Variants in ZFR2 observed in about 807,000 individuals in gnomAD.
The protein encoded by ZFR2 is zinc finger RNA binding protein 2, also known as zinc finger RNA-binding protein 2.
In ZFR2, 104 loss-of-function variants were observed where a neutral mutation model predicts 105.7. That is an observed-to-expected ratio of 0.98 (90% CI 0.84 to 1.16). ZFR2 has a LOEUF of 1.16. Among genes scored for constraint, ZFR2 ranks in the 50% most tolerant of loss-of-function variants. The pLI is 0.00. For missense variants in ZFR2, 1,425 were observed against 1,355.5 expected (o/e 1.05, Z -0.80); for synonymous variants, 634 against 597.7 (o/e 1.06, Z -0.89).
chr19:3,806,987 G>T (rs913375715), intron 18 of ZFR2, among the ~76,000 whole-genome samples, 185 bp downstream of exon 18: 2 of 152,128 alleles, frequency 1.3e-5, no homozygotes, highest in Non-Finnish European at 2.9e-5. Context: ...CTGGCCCCAC[G>T]CCACCATGCC....
At chr19:3,847,587 A>T (rs1004779380) in intron 1 of ZFR2, among the ~76,000 whole-genome samples, 1 of 152,158 alleles carries the variant, frequency 6.6e-6, no homozygotes, top group Non-Finnish European at 1.5e-5. Context: ...ATATAGCATA[A>T]CTTCTGCCAC....
Position 3,813,980 on chromosome 19 carries a change from C to T in ZFR2, c.2104-22G>A, listed in dbSNP as rs771879113. On this transcript the variant is annotated intron_variant, in intron 13 of 18. Transcript: ENST00000262961. The surrounding 1 kb of genome is among the most constrained non-coding windows in gnomAD (Gnocchi z 4.4). ...CCATCTGGGAGGGGTAAATACAACACAAGGCCACCTTACTGCAGCCCAGAT... is the reference window on the plus strand; with the variant it reads ...CCATCTGGGAGGGGTAAATACAACATAAGGCCACCTTACTGCAGCCCAGAT... 1.9e-6 allele frequency: 3 copies of T among 1,613,082 alleles called. No homozygotes were observed. The highest frequency in any genetic ancestry group is 1.1e-5 in the South Asian group (1 of 90,986).
At chr19:3,818,056 G>T (rs1354940950) in intron 12 of ZFR2, among the ~76,000 whole-genome samples, 4 of 152,280 alleles carry the variant, frequency 2.6e-5, no homozygotes, top group Admixed American at 2.6e-4. Context: ...TTGGGAAGAT[G>T]AGACAGCTGT....
intron 1 of ZFR2, among the ~76,000 whole-genome samples, chr19:3,861,937 T>C (rs2038378999): frequency 1.3e-5 from 2 of 151,962 alleles, no homozygotes; most frequent in South Asian, 2.1e-4. Context: ...AAAATAATAA[T>C]AATAAAATAC....
At chr19:3,807,015 G>A (rs1348407787) in intron 18 of ZFR2, among the ~76,000 whole-genome samples, 157 bp downstream of exon 18, 1 of 152,218 alleles carries the variant, frequency 6.6e-6, no homozygotes, top group Non-Finnish European at 1.5e-5. Context: ...CCCTGTCCCT[G>A]TGCGTGGTCC....
intron 6 of ZFR2, among the ~76,000 whole-genome samples, chr19:3,825,672 C>T (rs2037941460): frequency 6.6e-6 from 1 of 152,178 alleles, no homozygotes; most frequent in Non-Finnish European, 1.5e-5. Flanking sequence ...GGCTCACCGG[C>T]TCACACGGAC....
rs191995189 is a variant in ZFR2, at chr19:3,826,860, C to T, written c.1035+611G>A. On this transcript the variant is annotated intron_variant, in intron 6 of 18. Coordinates refer to ENST00000262961, the MANE Select transcript of ZFR2 (RefSeq NM_015174.2). Reference sequence around the variant, plus strand: ...ACAGGGCAAGCCCTGTCTGTCACCACGCCCGAATGCCAAGCTTTCTTGGAA... The same window carrying T: ...ACAGGGCAAGCCCTGTCTGTCACCATGCCCGAATGCCAAGCTTTCTTGGAA... 8.5e-5 allele frequency among the ~76,000 whole-genome samples: 13 copies of T among 152,370 alleles called. No homozygotes were observed. The South Asian group carries it at 1.2e-3, about 15-fold the overall frequency.
At chr19:3,822,029 C>T (rs960299270) in intron 9 of ZFR2, 52 bp downstream of exon 9, 31 of 1,531,300 alleles carry the variant, frequency 2.0e-5, no homozygotes, top group African/African-American at 1.6e-4. Context: ...CAGCGCCCGC[C>T]GGGCCCTAGC....
At chr19:3,833,459 C>T in intron 3 of ZFR2, 1 of 440,502 alleles carries the variant, frequency 2.3e-6, no homozygotes, top group African/African-American at 2.0e-5. Flanking sequence ...ACTTGTAGTC[C>T]CAGCTACTCG....
At chr19:3,807,959 CTG>C (rs1192757113) in intron 17 of ZFR2, among the ~76,000 whole-genome samples, 3 of 140,214 alleles carry the variant, frequency 2.1e-5, no homozygotes, top group Non-Finnish European at 3.1e-5. Context: ...GCACTCATGT[CTG>C]TGTGTGCCCG....
At chr19:3,868,751 G>GCCGGAGCC (rs1312185445) in intron 1 of ZFR2, among the ~76,000 whole-genome samples, 1 of 152,020 alleles carries the variant, frequency 6.6e-6, no homozygotes, top group Admixed American at 6.6e-5. Context: ...AGACGTCTCA[G>GCCGGAGCC]CCGGAGCCCC....
At chr19:3,816,950 CTG>C in intron 12 of ZFR2, 105 bp from the exon 13 acceptor site, 1 of 1,087,132 alleles carries the variant, frequency 9.2e-7, no homozygotes, top group Non-Finnish European at 1.3e-6. Context: ...CAGAGCCTCT[CTG>C]TGCCTCGGCA....
At chr19:3,814,569 G>A (rs2037805673) in intron 13 of ZFR2, among the ~76,000 whole-genome samples, 1 of 152,180 alleles carries the variant, frequency 6.6e-6, no homozygotes, top group African/African-American at 2.4e-5. Flanking sequence ...GCCCCCAGGG[G>A]GCTCCGTTGA....
At chr19:3,810,169 C>T (rs961005883) in intron 16 of ZFR2, among the ~76,000 whole-genome samples, 9 of 151,166 alleles carry the variant, frequency 6.0e-5, no homozygotes, top group Non-Finnish European at 1.0e-4. Context: ...GCCCGCAGGG[C>T]GGGGGGGAGG....
Position 3,813,677 on chromosome 19 carries a change from C to T in ZFR2, c.2242+143G>A. 8.1e-7 allele frequency: 1 copy of T among 1,227,132 alleles called. No homozygotes were observed. Among genetic ancestry groups the T allele is most frequent in the South Asian group, 1.5e-5 (1 of 68,136 alleles). 76.0% of individuals were successfully genotyped at this position (1,227,132 alleles called of 1,614,324 possible). A position where few individuals can be genotyped will look rare whatever the true frequency, so the allele number is the denominator to read the frequency against. On this transcript the variant is annotated intron_variant, in intron 14 of 18. Coordinates refer to ENST00000262961, the MANE Select transcript of ZFR2 (RefSeq NM_015174.2). The surrounding 1 kb of genome is among the most constrained non-coding windows in gnomAD (Gnocchi z 4.4). ...GCTCTTGTGTGACCCATGGAATCCTCAGGGGGACAGCAGTGCTGGAGCGTG... is the reference window on the plus strand; with the variant it reads ...GCTCTTGTGTGACCCATGGAATCCTTAGGGGGACAGCAGTGCTGGAGCGTG...
chr19:3,809,601 G>A (rs1373590639), intron 16 of ZFR2, among the ~76,000 whole-genome samples: 2 of 152,184 alleles, frequency 1.3e-5, no homozygotes, highest in African/African-American at 4.8e-5. Context: ...CCAGCACGGA[G>A]GCTACTGTGA....
chr19:3,807,672 T>C (rs1462015548), intron 17 of ZFR2, among the ~76,000 whole-genome samples: 1 of 151,468 alleles, frequency 6.6e-6, no homozygotes, highest in Non-Finnish European at 1.5e-5. Context: ...TGCACCCATG[T>C]CGGTGTGTGC....
intron 1 of ZFR2, among the ~76,000 whole-genome samples, chr19:3,856,106 G>A (rs1335637402): frequency 6.6e-6 from 1 of 152,204 alleles, no homozygotes; most frequent in Non-Finnish European, 1.5e-5. Context: ...CGGTGCGCGT[G>A]CAGGGGCGTG....
chr19:3,813,566 G>A lies in ZFR2; in HGVS notation c.2242+254C>T, dbSNP rs138736515. On this transcript the variant is annotated intron_variant, in intron 14 of 18. Coordinates refer to ENST00000262961, the MANE Select transcript of ZFR2 (RefSeq NM_015174.2). The surrounding 1 kb of genome is among the most constrained non-coding windows in gnomAD (Gnocchi z 4.4). The stretch of plus-strand genomic sequence containing the variant: ...AGGGCAAGGGAGGTGACACGGTGTC[G>A]CTTGCCCGAGCAAGGCCCCTGCAGC... Among the ~76,000 whole-genome samples, 1,257 of 152,300 alleles carry A rather than the reference G, an allele frequency of 8.3e-3. 6 individuals are homozygous for A. The highest frequency in any genetic ancestry group is 0.014 in the Middle Eastern group (4 of 294).
Sources: gnomAD v4.1 joint callset for allele counts (sites outside exome capture counted in the v4.1 genomes callset) on GRCh38, gnomAD v4.1.1 for gene constraint, Gnocchi (gnomAD v3.1) non-coding constraint, MANE v1.5 for transcripts, NCBI Gene and HGNC (gene_info 2026-07-23, HGNC 2026-07-21) for gene names.